The following TBX21 variants were observed in gnomAD, a reference collection of about 807,000 sequenced individuals.
The protein encoded by TBX21 is T-box transcription factor TBX21.
Under a neutral mutation model 52.2 loss-of-function variants are expected in TBX21, and 11 were observed. The observed-to-expected ratio is 0.21, with a 90% CI of 0.13 to 0.35. The LOEUF is 0.35. TBX21 is among the 10% of genes least tolerant of loss of function. TBX21 has a pLI of 1.00. For missense variants in TBX21, 625 were observed against 755.1 expected (o/e 0.83, Z 2.02); for synonymous variants, 300 against 316.1 (o/e 0.95, Z 0.54).
In TBX21 at chr17:47,742,784, C is replaced by A. The variant is rs201142220; in HGVS notation, c.646+20C>A. The A allele has an allele frequency of 1.9e-6, 3 of 1,548,756 alleles. No individual in the cohort carries two copies. The highest frequency in any genetic ancestry group is 2.0e-5 in the Admixed American group (1 of 50,892). ...TGCCAGGTGCGCGCGCCCCTGGGAG[C>A]GGTGGGCTCTGTTTCGCTGGGACTG... On this transcript the variant is annotated intron_variant, in intron 2 of 5. Coordinates refer to ENST00000177694, the MANE Select transcript of TBX21 (RefSeq NM_013351.2). This position sits in a 1 kb window ranked among gnomAD's most constrained non-coding sequence, Gnocchi z 4.4.
intron 1 of TBX21, among the ~76,000 whole-genome samples, chr17:47,734,216 GT>G (rs1331642264): frequency 6.6e-6 from 1 of 152,162 alleles, no homozygotes; most frequent in East Asian, 1.9e-4. Context: ...TAGGGGAAGG[GT>G]GACTGTGGCT....
chr17:47,745,426 T>C lies in TBX21; in HGVS notation c.*60T>C. 1 of 1,521,658 alleles carries C rather than the reference T, an allele frequency of 6.6e-7. No individual in the cohort carries two copies. Among genetic ancestry groups the C allele is most frequent in the Non-Finnish European group, 8.8e-7 (1 of 1,138,982 alleles). 94.3% of individuals were successfully genotyped at this position (1,521,658 alleles called of 1,614,324 possible). On this transcript the variant is annotated 3_prime_UTR_variant, in exon 6 of 6. Coordinates refer to ENST00000177694, the MANE Select transcript of TBX21 (RefSeq NM_013351.2). ...TATTAGGTTGGAGGACACCGACTAA[T>C]TTGGGAAACGGATGAAGGACTGAGA...
chr17:47,740,450 T>C (rs2032255856), intron 1 of TBX21, among the ~76,000 whole-genome samples: 1 of 151,776 alleles, frequency 6.6e-6, no homozygotes, highest in African/African-American at 2.4e-5. Flanking sequence ...AACTGAGATT[T>C]GGGCTGGGTG....
At chr17:47,744,096 G>A (rs1160134804) in intron 3 of TBX21, 99 bp from the exon 4 acceptor site, 1 of 1,478,256 alleles carries the variant, frequency 6.8e-7, no homozygotes, top group East Asian at 2.3e-5. Flanking sequence ...TGACCTCAAG[G>A]TGCTTGCTAG....
chr17:47,733,578 G>T lies in TBX21; in HGVS notation c.124G>T (p.Ala42Ser). The T allele has an allele frequency of 6.8e-7, 1 of 1,467,374 alleles. No individual in the cohort carries two copies. 90.9% of individuals were successfully genotyped at this position (1,467,374 alleles called of 1,614,324 possible). A position where few individuals can be genotyped will look rare whatever the true frequency, so the allele number is the denominator to read the frequency against. The change falls in exon 1 of 6, where the codon GCG becomes TCG. Residue 42 changes from alanine (A) to serine (S), a missense_variant. Coordinates refer to ENST00000177694, the MANE Select transcript of TBX21 (RefSeq NM_013351.2). This position sits in a 1 kb window ranked among gnomAD's most constrained non-coding sequence, Gnocchi z 6.6. The part of the protein sequence containing the change: ...QHRYFYPEPG[A>S]QDADERRGGG... ...CCGCTACTTCTACCCGGAGCCGGGC[G>T]CGCAGGACGCGGACGAGCGTCGCGG... is the stretch of plus-strand genomic sequence containing the variant.
Position 47,744,924 on chromosome 17 carries a change from C to A in TBX21, c.1166C>A (p.Ala389Asp). 2 of 1,613,930 alleles carry A rather than the reference C, an allele frequency of 1.2e-6. No homozygotes were observed. Among genetic ancestry groups the A allele is most frequent in the Non-Finnish European group, 1.7e-6 (2 of 1,179,986 alleles). The change falls in exon 6 of 6, where the codon GCC becomes GAC. Residue 389 changes from alanine to aspartate, a missense_variant. Ala to Asp is a moderately radical substitution (Grantham distance 126, BLOSUM62 -2). Around this residue, in one of 4 missense-constraint regions of TBX21, gnomAD observed 261 missense variants for 275.1 expected, o/e 0.95. Transcript: ENST00000177694. Reference protein sequence around the residue: ...DVVPQAYWLGAPRDHSYEAEF... With the variant: ...DVVPQAYWLGDPRDHSYEAEF... ...GTTCCCCAGGCTTACTGGCTGGGGG[C>A]CCCCCGGGACCACAGCTATGAGGCT...
chr17:47,733,655 G>A lies in TBX21; in HGVS notation c.201G>A (p.Pro67=), dbSNP rs1796869313. The A allele has an allele frequency of 4.1e-6, 6 of 1,451,150 alleles. No individual in the cohort carries two copies. In the South Asian group the frequency reaches 8.1e-5, roughly 20 times the overall value. 89.9% of individuals were successfully genotyped at this position (1,451,150 alleles called of 1,614,324 possible). A position where few individuals can be genotyped will look rare whatever the true frequency, so the allele number is the denominator to read the frequency against. The change falls in exon 1 of 6, where the codon CCG becomes CCA. Residue 67 remains proline, a synonymous_variant. Coordinates refer to ENST00000177694, the MANE Select transcript of TBX21 (RefSeq NM_013351.2). The surrounding 1 kb of genome is among the most constrained non-coding windows in gnomAD (Gnocchi z 6.6). ...PYPGGALVPA[P]PSRFLGAYAY... is the part of the protein sequence containing the mutation. ...CGGGGGGCGCCTTGGTGCCCGCCCCGCCGAGCCGCTTCCTTGGAGCCTACG... is the reference window on the plus strand; with the variant it reads ...CGGGGGGCGCCTTGGTGCCCGCCCCACCGAGCCGCTTCCTTGGAGCCTACG...
chr17:47,734,591 G>GTA, intron 1 of TBX21, among the ~76,000 whole-genome samples: 1 of 140,698 alleles, frequency 7.1e-6, no homozygotes, highest in East Asian at 2.0e-4. Context: ...GTGTGTGTGT[G>GTA]TGTGTGTGTG....
At chr17:47,735,928 T>A (rs72648866) in intron 1 of TBX21, among the ~76,000 whole-genome samples, 4,813 of 152,188 alleles carry the variant, frequency 0.032, 107 homozygotes, top group Non-Finnish European at 0.049. Context: ...CTCCTGCCAG[T>A]CTTGAGGGAT....
chr17:47,741,005 G>C (rs2032262312), intron 1 of TBX21, among the ~76,000 whole-genome samples: 1 of 152,220 alleles, frequency 6.6e-6, no homozygotes, highest in African/African-American at 2.4e-5. Context: ...CTCATGAGAG[G>C]AGGGGGAAGT....
Position 47,742,973 on chromosome 17 carries a change from CT to C in TBX21, c.647-97del. On this transcript the variant is annotated intron_variant, in intron 2 of 5. Coordinates refer to ENST00000177694, the MANE Select transcript of TBX21 (RefSeq NM_013351.2). The surrounding 1 kb of genome is among the most constrained non-coding windows in gnomAD (Gnocchi z 4.4). ...TGCCCTTCCCTGCCTGGTCCTCCCC[CT>C]GTGTCCTTCCTTACGTCCCTCTCGG... The C allele has an allele frequency of 3.2e-6, 5 of 1,557,992 alleles. No homozygotes were observed. Among genetic ancestry groups the C allele is most frequent in the Non-Finnish European group, 4.3e-6 (5 of 1,154,770 alleles).
intron 1 of TBX21, among the ~76,000 whole-genome samples, chr17:47,739,794 T>C (rs1056841789): frequency 1.4e-5 from 2 of 144,596 alleles, no homozygotes; most frequent in Non-Finnish European, 3.0e-5. Context: ...AGGCGCAGTG[T>C]TGGGTGCCTG....
chr17:47,740,309 C>A (rs2032254241), intron 1 of TBX21, among the ~76,000 whole-genome samples: 1 of 152,056 alleles, frequency 6.6e-6, no homozygotes, highest in Non-Finnish European at 1.5e-5. Context: ...CTCAGGAAAT[C>A]CACCCTCCTC....
rs950443527 is a variant in TBX21 at position 47,745,018 on chromosome 17, C to T, written c.1260C>T (p.Tyr420=). 3 of 1,612,740 alleles carry T rather than the reference C, an allele frequency of 1.9e-6. No homozygotes were observed. The highest frequency in any genetic ancestry group is 2.5e-6 in the Non-Finnish European group (3 of 1,180,020). The part of the protein sequence containing the change: ...PSAPGPTMSY[Y]RGQEVLAPGA... ...CCCCTGGGCCCACCATGTCCTACTA[C>T]CGAGGCCAGGAGGTCCTGGCACCTG... is the stretch of plus-strand genomic sequence containing the variant. Residue 420 remains tyrosine (Y), a synonymous_variant, in exon 6 of 6, where the codon TAC becomes TAT. Coordinates refer to ENST00000177694, the MANE Select transcript of TBX21 (RefSeq NM_013351.2).
At chr17:47,741,230 T>C (rs2032263986) in intron 1 of TBX21, among the ~76,000 whole-genome samples, 1 of 151,510 alleles carries the variant, frequency 6.6e-6, no homozygotes, top group Non-Finnish European at 1.5e-5. Context: ...CTGGTGCTGG[T>C]GGAGATCGTG....
rs757560845 is a variant in TBX21, at chr17:47,733,802, G to T, written c.348G>T (p.Gly116=). Residue 116 remains glycine, a synonymous_variant, in exon 1 of 6, where the codon GGG becomes GGT. Transcript: ENST00000177694. The surrounding 1 kb of genome is among the most constrained non-coding windows in gnomAD (Gnocchi z 6.6). ...ACGCCGCCCCGGACCCGCGCGCCGGGCTCTACCCGGGGCCGCGTGAGGACT... is the reference window on the plus strand; with the variant it reads ...ACGCCGCCCCGGACCCGCGCGCCGGTCTCTACCCGGGGCCGCGTGAGGACT... ...EGYAAPDPRA[G]LYPGPREDYA... 37 of 1,581,490 alleles carry T rather than the reference G, an allele frequency of 2.3e-5. No homozygotes were observed. The highest frequency in any genetic ancestry group is 2.8e-5 in the Non-Finnish European group (33 of 1,165,530).
chr17:47,736,256 A>G (rs1597982541), intron 1 of TBX21, among the ~76,000 whole-genome samples: 1 of 152,278 alleles, frequency 6.6e-6, no homozygotes, highest in South Asian at 2.1e-4. Flanking sequence ...CAGCTTCCAC[A>G]GTTGTCAATA....
chr17:47,741,980 A>G (rs1567920833), intron 1 of TBX21, among the ~76,000 whole-genome samples: 1 of 152,150 alleles, frequency 6.6e-6, no homozygotes, highest in Non-Finnish European at 1.5e-5. Flanking sequence ...TACCTCCTCC[A>G]TGCAGCTGCG....
chr17:47,737,525 CCCAACT>C, intron 1 of TBX21, among the ~76,000 whole-genome samples: 1 of 152,216 alleles, frequency 6.6e-6, no homozygotes, highest in East Asian at 1.9e-4. Context: ...TCTCCACTTT[CCCAACT>C]CCAAGAACTT....
Sources: gnomAD v4.1 joint callset for allele counts (sites outside exome capture counted in the v4.1 genomes callset) on GRCh38, gnomAD v4.1.1 for gene constraint, gnomAD v4.1.1 regional missense constraint, Gnocchi (gnomAD v3.1) non-coding constraint, MANE v1.5 for transcripts, NCBI Gene and HGNC (gene_info 2026-07-23, HGNC 2026-07-21) for gene names.